Variants in ERCC6L2 observed in about 807,000 individuals in gnomAD.
ERCC6L2 encodes the protein DNA excision repair protein ERCC-6-like 2.
In ERCC6L2, 77 loss-of-function variants were observed where a neutral mutation model predicts 132.0. That is an observed-to-expected ratio of 0.58 (90% CI 0.49 to 0.71). The LOEUF is 0.71. ERCC6L2 is among the 30% of genes least tolerant of loss of function. The probability of loss-of-function intolerance (pLI) is 0.00; values close to 1 mark genes in which losing one functional copy is unlikely to be tolerated. For synonymous variants in ERCC6L2, 583 were observed against 632.4 expected (o/e 0.92, Z 1.17); for missense variants, 1,542 against 1,837.6 (o/e 0.84, Z 2.94).
intron 19 of ERCC6L2, among the ~76,000 whole-genome samples, chr9:96,038,018 G>A (rs566714225): frequency 6.6e-6 from 1 of 152,066 alleles, no homozygotes; most frequent in Non-Finnish European, 1.5e-5. Flanking sequence ...GGATTGGCAT[G>A]CGTGGGTAGG....
At chr9:95,970,915 A>G (rs1470450808) in intron 15 of ERCC6L2, among the ~76,000 whole-genome samples, 1 of 152,184 alleles carries the variant, frequency 6.6e-6, no homozygotes, top group Non-Finnish European at 1.5e-5. Context: ...ATCCAGTACC[A>G]CCTAGATAAC....
chr9:95,985,346 G>A (rs1833056991), intron 17 of ERCC6L2, among the ~76,000 whole-genome samples: 1 of 152,192 alleles, frequency 6.6e-6, no homozygotes, highest in Non-Finnish European at 1.5e-5. Flanking sequence ...TTCCCGCATG[G>A]AAGTACTGCG....
At chr9:95,912,033 C>G (rs577935439) in intron 4 of ERCC6L2, among the ~76,000 whole-genome samples, 1 of 152,088 alleles carries the variant, frequency 6.6e-6, no homozygotes, top group South Asian at 2.1e-4. Context: ...ATGACCTGGC[C>G]CATCTACTTT....
At chr9:95,921,028 G>A (rs117728766) in intron 6 of ERCC6L2, 147 bp from the exon 7 acceptor site, 18,859 of 644,610 alleles carry the variant, frequency 0.029, 377 homozygotes, top group Non-Finnish European at 0.036. Flanking sequence ...GCCCTCCTTG[G>A]CTTCCCAAAG....
intron 12 of ERCC6L2, among the ~76,000 whole-genome samples, chr9:95,949,743 C>T (rs1247999386): frequency 6.6e-6 from 1 of 152,186 alleles, no homozygotes; most frequent in African/African-American, 2.4e-5. Flanking sequence ...GGTGCAGTGG[C>T]TCACGCCTGT....
At chr9:95,925,144 C>T (rs933825116) in intron 9 of ERCC6L2, among the ~76,000 whole-genome samples, 3 of 152,144 alleles carry the variant, frequency 2.0e-5, no homozygotes, top group Admixed American at 6.5e-5. Context: ...GAACAGAATG[C>T]CTGCTATAAT....
chr9:96,002,004 C>T (rs1345439069), intron 17 of ERCC6L2, among the ~76,000 whole-genome samples: 1 of 152,258 alleles, frequency 6.6e-6, no homozygotes, highest in Non-Finnish European at 1.5e-5. Context: ...GGCTGGCTGG[C>T]TGCTCCGAGT....
chr9:96,002,206 C>T (rs1833709303), intron 17 of ERCC6L2, among the ~76,000 whole-genome samples: 1 of 152,216 alleles, frequency 6.6e-6, no homozygotes, highest in African/African-American at 2.4e-5. Context: ...CAAATGCCAC[C>T]AAAGTGGGAG....
intron 12 of ERCC6L2, among the ~76,000 whole-genome samples, chr9:95,944,658 C>A (rs1830964950): frequency 7.3e-6 from 1 of 136,672 alleles, no homozygotes; most frequent in Admixed American, 7.9e-5. Flanking sequence ...GAAATTCACC[C>A]CCAATATTTT....
intron 12 of ERCC6L2, among the ~76,000 whole-genome samples, chr9:95,951,905 C>G (rs761872633): frequency 6.6e-6 from 1 of 151,882 alleles, no homozygotes; most frequent in East Asian, 1.9e-4. Context: ...CACGGTGGCT[C>G]ACACCTGTAA....
intron 13 of ERCC6L2, among the ~76,000 whole-genome samples, chr9:95,962,387 TAC>T (rs1831947937): frequency 6.6e-6 from 1 of 152,092 alleles, no homozygotes; most frequent in Non-Finnish European, 1.5e-5. Flanking sequence ...TCCTCTCACA[TAC>T]GCACAGTGAA....
At chr9:95,966,777 A>G (rs1832181936) in intron 14 of ERCC6L2, 63 bp downstream of exon 14, 1 of 1,285,712 alleles carries the variant, frequency 7.8e-7, no homozygotes, top group African/African-American at 1.5e-5. Context: ...TCCTCAGGAA[A>G]TCTGAAATAC....
intron 12 of ERCC6L2, among the ~76,000 whole-genome samples, chr9:95,943,735 A>G (rs187845816): frequency 4.3e-4 from 65 of 152,348 alleles, no homozygotes; most frequent in African/African-American, 1.5e-3. Flanking sequence ...ATAAGTGGCC[A>G]TTAAGCACAT....
At chr9:95,977,997 GT>G (rs1832740498) in intron 16 of ERCC6L2, 63 bp from the exon 17 acceptor site, 1 of 1,071,384 alleles carries the variant, frequency 9.3e-7, no homozygotes, top group African/African-American at 1.7e-5. Flanking sequence ...AGAATAATGT[GT>G]TTTTATGGAA....
chr9:95,943,821 T>C (rs1471496115), intron 12 of ERCC6L2, among the ~76,000 whole-genome samples: 1 of 152,164 alleles, frequency 6.6e-6, no homozygotes. Context: ...TCACACACGT[T>C]GGATGACTAT....
chr9:95,964,659 T>C (rs1399179878), intron 13 of ERCC6L2, among the ~76,000 whole-genome samples: 1 of 152,162 alleles, frequency 6.6e-6, no homozygotes, highest in African/African-American at 2.4e-5. Flanking sequence ...TTTACTTCTT[T>C]CTTTATTTTG....
At chr9:95,937,539 AT>A (rs1409405507) in intron 11 of ERCC6L2, among the ~76,000 whole-genome samples, 1 of 151,992 alleles carries the variant, frequency 6.6e-6, no homozygotes, top group Non-Finnish European at 1.5e-5. Flanking sequence ...TTATAGGACT[AT>A]TCAGGTTGTC....
chr9:95,960,141 T>C (rs1419229918), intron 13 of ERCC6L2, among the ~76,000 whole-genome samples: 1 of 152,014 alleles, frequency 6.6e-6, no homozygotes, highest in African/African-American at 2.4e-5. Context: ...AGCTCCAAAT[T>C]TTTCTAATAT....
Position 95,907,136 on chromosome 9 carries a change from C to T in ERCC6L2, c.653C>T (p.Thr218Ile). The change falls in exon 4 of 19, where the codon ACC (threonine) becomes ATC (isoleucine). Residue 218 changes from threonine (T) to isoleucine (I), a missense_variant. Thr to Ile is a moderately conservative substitution (Grantham distance 89). Around this residue, in one of 4 missense-constraint regions of ERCC6L2, gnomAD observed 945 missense variants for 1,105.2 expected, o/e 0.86. Coordinates refer to ENST00000653738, the MANE Select transcript of ERCC6L2 (RefSeq NM_020207.7). ...TACAACTGGAAGGATGAATTGGACACCTGGGGATATTTCAGAGTCACTGTT... is the reference window on the plus strand; with the variant it reads ...TACAACTGGAAGGATGAATTGGACATCTGGGGATATTTCAGAGTCACTGTT... ...VLYNWKDELDTWGYFRVTVLH... is the reference protein window; with the variant it reads ...VLYNWKDELDIWGYFRVTVLH... 1 of 1,613,082 alleles carries T rather than the reference C, an allele frequency of 6.2e-7. No individual in the cohort carries two copies.
Sources: gnomAD v4.1 joint callset for allele counts (sites outside exome capture counted in the v4.1 genomes callset) on GRCh38, gnomAD v4.1.1 for gene constraint, gnomAD v4.1.1 regional missense constraint, MANE v1.5 for transcripts, NCBI Gene and HGNC (gene_info 2026-07-23, HGNC 2026-07-21) for gene names.